Variants in TSPAN5 observed in about 807,000 individuals in gnomAD.
TSPAN5 encodes the protein tetraspanin 5, also known as tetraspanin-5.
In TSPAN5, 10 loss-of-function variants were observed where a neutral mutation model predicts 37.1. The observed-to-expected ratio is 0.27, with a 90% CI of 0.17 to 0.46. TSPAN5 has a LOEUF of 0.46. Among genes scored for constraint, TSPAN5 ranks in the 20% least tolerant of loss-of-function variants. The pLI is 1.00. For synonymous variants in TSPAN5, 110 were observed against 118.9 expected (o/e 0.93, Z 0.48); for missense variants, 195 against 326.6 (o/e 0.60, Z 3.11).
intron 2 of TSPAN5, among the ~76,000 whole-genome samples, chr4:98,495,187 GC>G (rs1753173734): frequency 6.6e-6 from 1 of 152,118 alleles, no homozygotes; most frequent in Admixed American, 6.5e-5. Context: ...GTTAGATCTG[GC>G]TGTTCAGTGG....
intron 1 of TSPAN5, among the ~76,000 whole-genome samples, chr4:98,567,574 GC>G (rs1425742348): frequency 1.3e-5 from 2 of 152,196 alleles, no homozygotes; most frequent in Non-Finnish European, 2.9e-5. Context: ...CGGAGATGTG[GC>G]TGCCTTGTTC....
intron 4 of TSPAN5, 44 bp from the exon 5 acceptor site, chr4:98,478,854 A>C: frequency 6.2e-7 from 1 of 1,605,314 alleles, no homozygotes; most frequent in African/African-American, 1.3e-5. Flanking sequence ...ACTTGGAGGC[A>C]AGCAGTCACC....
intron 1 of TSPAN5, among the ~76,000 whole-genome samples, chr4:98,625,809 T>A (rs960261599): frequency 6.6e-6 from 1 of 151,768 alleles, no homozygotes; most frequent in African/African-American, 2.4e-5. Context: ...CAGAGTAGTA[T>A]GTTTATTTCA....
At chr4:98,622,399 C>T (rs564069667) in intron 1 of TSPAN5, among the ~76,000 whole-genome samples, 75 of 152,174 alleles carry the variant, frequency 4.9e-4, no homozygotes, top group Non-Finnish European at 9.1e-4. Flanking sequence ...TTTATTTGAA[C>T]ACCTGTTTTC....
At chr4:98,581,209 A>C (rs1000994678) in intron 1 of TSPAN5, among the ~76,000 whole-genome samples, 15 of 152,232 alleles carry the variant, frequency 9.9e-5, no homozygotes, top group Non-Finnish European at 2.2e-4. Flanking sequence ...ATAACAAATA[A>C]TAAGAAATAA....
At chr4:98,603,713 A>C (rs1452490273) in intron 1 of TSPAN5, among the ~76,000 whole-genome samples, 1 of 152,166 alleles carries the variant, frequency 6.6e-6, no homozygotes, top group African/African-American at 2.4e-5. Context: ...AACAATATAA[A>C]TTTAATGTGG....
intron 1 of TSPAN5, among the ~76,000 whole-genome samples, chr4:98,560,011 A>G (rs180839174): frequency 8.1e-4 from 123 of 152,300 alleles, no homozygotes; most frequent in African/African-American, 2.8e-3. Flanking sequence ...AATTCTTATC[A>G]TTTTCTAATC....
intron 1 of TSPAN5, among the ~76,000 whole-genome samples, chr4:98,601,807 G>T (rs1212506784): frequency 6.6e-6 from 1 of 152,180 alleles, no homozygotes; most frequent in Non-Finnish European, 1.5e-5. Context: ...TTCTCACCAT[G>T]CCTTCCTCAC....
intron 1 of TSPAN5, among the ~76,000 whole-genome samples, chr4:98,510,904 T>C (rs1188555982): frequency 6.6e-6 from 1 of 152,188 alleles, no homozygotes; most frequent in African/African-American, 2.4e-5. Context: ...AAAATCAAGT[T>C]GTTCCAGTTC....
chr4:98,527,767 C>G (rs1753992034), intron 1 of TSPAN5, among the ~76,000 whole-genome samples: 1 of 152,154 alleles, frequency 6.6e-6, no homozygotes, highest in South Asian at 2.1e-4. Context: ...CCTGGAAAAG[C>G]ATGGCTGTTA....
chr4:98,481,974 T>C (rs752643303), intron 4 of TSPAN5, 31 bp downstream of exon 4: 7 of 1,609,498 alleles, frequency 4.3e-6, no homozygotes, highest in African/African-American at 4.0e-5. Context: ...CAGAGAACTT[T>C]CAACTTGAAA....
At chr4:98,610,665 T>C (rs761523549) in intron 1 of TSPAN5, among the ~76,000 whole-genome samples, 3 of 152,150 alleles carry the variant, frequency 2.0e-5, no homozygotes, top group Non-Finnish European at 4.4e-5. Context: ...TTCAAGCGTA[T>C]GTACAAAGAG....
intron 1 of TSPAN5, among the ~76,000 whole-genome samples, chr4:98,635,954 A>G (rs1284377247): frequency 6.6e-6 from 1 of 152,220 alleles, no homozygotes; most frequent in African/African-American, 2.4e-5. Context: ...AGAGCACCCA[A>G]AGGGTATAAT....
intron 1 of TSPAN5, among the ~76,000 whole-genome samples, chr4:98,579,769 C>T (rs188683164): frequency 4.6e-5 from 7 of 152,246 alleles, no homozygotes; most frequent in South Asian, 2.1e-4. Flanking sequence ...CTATGGAAGG[C>T]GAAAGCTCCT....
intron 1 of TSPAN5, among the ~76,000 whole-genome samples, chr4:98,573,094 C>T (rs1463038619): frequency 1.3e-5 from 2 of 152,194 alleles, no homozygotes; most frequent in Non-Finnish European, 2.9e-5. Context: ...TGCTTGGCTT[C>T]CCAGTTATTA....
rs1414388058 is a variant in TSPAN5 at position 98,598,094 on chromosome 4, G to A, written c.81+60052C>T. 1.3e-4 allele frequency among the ~76,000 whole-genome samples: 13 copies of A among 98,138 alleles called. 1 individual carries two copies. Among genetic ancestry groups the A allele is most frequent in the Non-Finnish European group, 2.4e-4 (13 of 53,114 alleles). The allele number at this position is 98,138 out of a possible 152,430, so 64.4% of individuals were successfully genotyped here. ...CTGTGCTAGCAATCAGCGAGATTTC[G>A]TGGGCGTAGGACCCTCTGAGCCAGG... is the stretch of plus-strand genomic sequence containing the variant. On this transcript the variant is annotated intron_variant, in intron 1 of 7. Transcript: ENST00000305798.
chr4:98,527,484 A>G (rs1753985835), intron 1 of TSPAN5, among the ~76,000 whole-genome samples: 1 of 152,248 alleles, frequency 6.6e-6, no homozygotes. Flanking sequence ...TTATTTCTCA[A>G]TAGCTATATT....
At chr4:98,651,437 G>A (rs571494924) in intron 1 of TSPAN5, among the ~76,000 whole-genome samples, 80 of 152,288 alleles carry the variant, frequency 5.3e-4, no homozygotes, top group African/African-American at 1.9e-3. Flanking sequence ...GAAATCTAAG[G>A]ATTAAATGGT....
At chr4:98,514,316 C>T (rs905837442) in intron 1 of TSPAN5, among the ~76,000 whole-genome samples, 2 of 152,154 alleles carry the variant, frequency 1.3e-5, no homozygotes, top group African/African-American at 4.8e-5. Context: ...TTAGTCTGAA[C>T]AACACTCGTT....
Sources: gnomAD v4.1 joint callset for allele counts (sites outside exome capture counted in the v4.1 genomes callset) on GRCh38, gnomAD v4.1.1 for gene constraint, MANE v1.5 for transcripts, NCBI Gene and HGNC (gene_info 2026-07-23, HGNC 2026-07-21) for gene names.